Variants in TXNDC16 observed in about 807,000 individuals in gnomAD.
TXNDC16 encodes thioredoxin domain-containing protein 16.
A neutral mutation model predicts 85.6 loss-of-function variants in TXNDC16; 74 were observed. That is an observed-to-expected ratio of 0.86 (90% CI 0.72 to 1.05). The LOEUF (loss-of-function observed/expected upper bound fraction) is 1.05, where lower values mean the gene tolerates loss of function less well. Ranked by LOEUF, TXNDC16 falls within the 50% of genes least tolerant of loss-of-function variation. The pLI is 0.00. For synonymous variants in TXNDC16, 335 were observed against 326.5 expected (o/e 1.03, Z -0.28); for missense variants, 959 against 947.0 (o/e 1.01, Z -0.17).
rs1378460063 is a variant in TXNDC16 at position 52,552,402 on chromosome 14, C to G, written c.-268G>C. ...CGCCGCCACGCGACGGAGGAGGAGGCAGAAGACGGGGCCGTGCCAGACTAG... is the reference window on the plus strand; with the variant it reads ...CGCCGCCACGCGACGGAGGAGGAGGGAGAAGACGGGGCCGTGCCAGACTAG... On this transcript the variant is annotated 5_prime_UTR_variant, in exon 1 of 21. Coordinates refer to ENST00000281741, the MANE Select transcript of TXNDC16 (RefSeq NM_020784.3). 2.6e-5 allele frequency: 4 copies of G among 152,342 alleles called. No homozygotes were observed. Among genetic ancestry groups the G allele is most frequent in the Admixed American group, 2.6e-4 (4 of 15,284 alleles). The allele number at this position is 152,342 out of a possible 1,614,324, so 9.4% of individuals were successfully genotyped here. A position where few individuals can be genotyped will look rare whatever the true frequency, so the allele number is the denominator to read the frequency against.
intron 16 of TXNDC16, among the ~76,000 whole-genome samples, chr14:52,463,323 C>T (rs2035696357): frequency 6.6e-6 from 1 of 152,138 alleles, no homozygotes; most frequent in Admixed American, 6.6e-5. Flanking sequence ...ACACAATGGG[C>T]CCAGCGGGTA....
chr14:52,484,912 A>C (rs1215351279), intron 12 of TXNDC16, among the ~76,000 whole-genome samples: 1 of 152,148 alleles, frequency 6.6e-6, no homozygotes, highest in Admixed American at 6.5e-5. Flanking sequence ...AGCACATATA[A>C]TTATGTACAG....
At chr14:52,542,047 A>AAT (rs1259291450) in intron 4 of TXNDC16, among the ~76,000 whole-genome samples, 1 of 152,176 alleles carries the variant, frequency 6.6e-6, no homozygotes, top group Non-Finnish European at 1.5e-5. Flanking sequence ...CCTATTATGA[A>AAT]ATATTCATTA....
intron 6 of TXNDC16, 62 bp downstream of exon 6, chr14:52,536,657 T>A (rs2037707220): frequency 1.5e-6 from 2 of 1,353,386 alleles, no homozygotes; most frequent in African/African-American, 2.9e-5. Context: ...TTGTGGTTAT[T>A]TAAAATGAAA....
At chr14:52,440,760 C>T in intron 18 of TXNDC16, 36 bp from the exon 19 acceptor site, 1 of 1,589,896 alleles carries the variant, frequency 6.3e-7, no homozygotes, top group Non-Finnish European at 8.5e-7. Context: ...ATAAAAAATG[C>T]ATTGGGGATG....
At chr14:52,540,651 T>C (rs192677688) in intron 4 of TXNDC16, among the ~76,000 whole-genome samples, 12 of 152,180 alleles carry the variant, frequency 7.9e-5, no homozygotes, top group Admixed American at 2.6e-4. Flanking sequence ...AAAACTTCTA[T>C]GGCACTTTAT....
intron 13 of TXNDC16, among the ~76,000 whole-genome samples, chr14:52,482,525 C>A (rs1205023918): frequency 2.0e-5 from 3 of 151,958 alleles, no homozygotes; most frequent in African/African-American, 7.2e-5. Flanking sequence ...AAGATAAAAG[C>A]AATATACTTA....
At chr14:52,490,594 C>G (rs763475181) in intron 10 of TXNDC16, 143 bp from the exon 11 acceptor site, 4 of 792,270 alleles carry the variant, frequency 5.0e-6, no homozygotes, top group Non-Finnish European at 7.6e-6. Context: ...AAATTTTACA[C>G]GTAAACATAG....
intron 4 of TXNDC16, among the ~76,000 whole-genome samples, chr14:52,541,055 G>A (rs1179893386): frequency 1.3e-5 from 2 of 152,080 alleles, no homozygotes; most frequent in Admixed American, 1.3e-4. Context: ...GGCCAATACG[G>A]TGAAACCCCA....
chr14:52,470,620 T>G lies in TXNDC16; in HGVS notation c.1373A>C (p.Lys458Thr), dbSNP rs554930848. Residue 458 changes from lysine to threonine, a missense_variant, in exon 15 of 21, where the codon AAG becomes ACG. Coordinates refer to ENST00000281741, the MANE Select transcript of TXNDC16 (RefSeq NM_020784.3). Reference sequence around the variant, plus strand: ...GATAGGAAATTCAGTAACATTTTGCTTAGTACATACATCAGACCAATCTGC... The same window carrying G: ...GATAGGAAATTCAGTAACATTTTGCGTAGTACATACATCAGACCAATCTGC... ...NCADWSDVCT[K>T]QNVTEFPIIK... 6.2e-7 allele frequency: 1 copy of G among 1,614,038 alleles called. No homozygotes were observed. Among genetic ancestry groups the G allele is most frequent in the African/African-American group, 1.3e-5 (1 of 75,058 alleles).
chr14:52,509,823 C>CA (rs1383403294), intron 9 of TXNDC16, among the ~76,000 whole-genome samples: 20 of 151,328 alleles, frequency 1.3e-4, no homozygotes, highest in African/African-American at 4.1e-4. Flanking sequence ...CTAAAAAATA[C>CA]AAAAAAATTA....
At chr14:52,469,925 A>C in intron 16 of TXNDC16, 112 bp downstream of exon 16, 1 of 1,070,692 alleles carries the variant, frequency 9.3e-7, no homozygotes, top group Non-Finnish European at 1.3e-6. Flanking sequence ...TTTTCTTCAA[A>C]CTTCTCCATA....
At chr14:52,528,436 A>C (rs1408664549) in intron 6 of TXNDC16, among the ~76,000 whole-genome samples, 2 of 152,158 alleles carry the variant, frequency 1.3e-5, no homozygotes, top group African/African-American at 4.8e-5. Flanking sequence ...GTCAAAAATA[A>C]CTGACTAGTT....
At chr14:52,484,206 G>A (rs551077381) in intron 12 of TXNDC16, among the ~76,000 whole-genome samples, 15 of 150,460 alleles carry the variant, frequency 1.0e-4, no homozygotes, top group Admixed American at 4.0e-4. Flanking sequence ...TAAGGGGGGG[G>A]GGTGATTGGA....
intron 7 of TXNDC16, among the ~76,000 whole-genome samples, chr14:52,515,834 C>A (rs972048014): frequency 3.3e-5 from 5 of 151,806 alleles, no homozygotes; most frequent in African/African-American, 1.2e-4. Context: ...TATCCCATCC[C>A]AACTCTCCCA....
chr14:52,549,281 T>C (rs1049828148), intron 1 of TXNDC16, among the ~76,000 whole-genome samples: 39 of 152,240 alleles, frequency 2.6e-4, no homozygotes, highest in African/African-American at 9.4e-4. Context: ...CACAGCTCAT[T>C]TAAATAATAG....
At chr14:52,505,581 T>C (rs546374366) in intron 9 of TXNDC16, among the ~76,000 whole-genome samples, 1 of 152,216 alleles carries the variant, frequency 6.6e-6, no homozygotes, top group Admixed American at 6.5e-5. Context: ...TAGAGGGAAA[T>C]TTATAGCGCT....
At chr14:52,497,080 G>T (rs915957682) in intron 9 of TXNDC16, among the ~76,000 whole-genome samples, 2 of 151,962 alleles carry the variant, frequency 1.3e-5, no homozygotes, top group Non-Finnish European at 2.9e-5. Flanking sequence ...AAACATTCTT[G>T]CATTGGGGTA....
At chr14:52,496,337 C>A (rs763715822) in intron 9 of TXNDC16, among the ~76,000 whole-genome samples, 14 of 151,832 alleles carry the variant, frequency 9.2e-5, no homozygotes, top group Non-Finnish European at 1.3e-4. Flanking sequence ...TTGCCAGTTC[C>A]TTGACTAGGG....
Sources: gnomAD v4.1 joint callset for allele counts (sites outside exome capture counted in the v4.1 genomes callset) on GRCh38, gnomAD v4.1.1 for gene constraint, MANE v1.5 for transcripts, NCBI Gene and HGNC (gene_info 2026-07-23, HGNC 2026-07-21) for gene names.